RND3: variants seen among roughly 807,000 people sequenced by gnomAD.
RND3 encodes the protein Rho family GTPase 3.
A neutral mutation model predicts 26.5 loss-of-function variants in RND3; 8 were observed. That is an observed-to-expected ratio of 0.30 (90% CI 0.18 to 0.54). The LOEUF (loss-of-function observed/expected upper bound fraction) is 0.54, where lower values mean the gene tolerates loss of function less well. Among genes scored for constraint, RND3 ranks in the 20% least tolerant of loss-of-function variants. RND3 has a pLI of 0.94. For missense variants in RND3, 207 were observed against 302.8 expected (o/e 0.68, Z 2.35); for synonymous variants, 113 against 113.0 (o/e 1.00, Z 0.00).
chr2:150,486,850 C>T lies in RND3; in HGVS notation c.151-69G>A. 9.6e-7 allele frequency: 1 copy of T among 1,036,792 alleles called. No homozygotes were observed. The highest frequency in any genetic ancestry group is 1.5e-6 in the Non-Finnish European group (1 of 653,448). 64.2% of individuals were successfully genotyped at this position (1,036,792 alleles called of 1,614,324 possible). The stretch of plus-strand genomic sequence containing the variant: ...GAGGTTACGTTTAAACGCACGACAC[C>T]CATTGAACACCCTTCCCCTCCCCGC... On this transcript the variant is annotated intron_variant, in intron 2 of 5. Coordinates refer to ENST00000263895, the MANE Select transcript of RND3 (RefSeq NM_005168.5). This position sits in a 1 kb window ranked among gnomAD's most constrained non-coding sequence, Gnocchi z 4.5.
chr2:150,472,459 GT>G (rs1178108150), intron 4 of RND3, among the ~76,000 whole-genome samples: 2 of 152,146 alleles, frequency 1.3e-5, no homozygotes, highest in Admixed American at 1.3e-4. Context: ...AATTTGTCTA[GT>G]TGTTTCATGA....
At position 150,469,759 on chromosome 2, in the gene RND3, T is replaced by C. The variant is rs967813494; in HGVS notation, c.*228A>G. 37 of 514,064 alleles carry C rather than the reference T, an allele frequency of 7.2e-5. No homozygotes were observed. The highest frequency in any genetic ancestry group is 5.2e-4 in the Middle Eastern group (1 of 1,922). 31.8% of individuals were successfully genotyped at this position (514,064 alleles called of 1,614,324 possible). On this transcript the variant is annotated 3_prime_UTR_variant, in exon 6 of 6. Coordinates refer to ENST00000263895, the MANE Select transcript of RND3 (RefSeq NM_005168.5). ...CATTTGTATCTCTCATTTTTTGGCA[T>C]ATTTTTCAAGTCACACTTAAAAACT...
chr2:150,482,568 T>C (rs192780013), intron 3 of RND3, among the ~76,000 whole-genome samples: 116 of 152,268 alleles, frequency 7.6e-4, no homozygotes, highest in Admixed American at 1.3e-3. Flanking sequence ...AATGAAGAAG[T>C]TATGGGCCTT....
At chr2:150,485,018 G>T (rs1489677523) in intron 3 of RND3, among the ~76,000 whole-genome samples, 2 of 152,202 alleles carry the variant, frequency 1.3e-5, no homozygotes, top group Non-Finnish European at 2.9e-5. Flanking sequence ...AGCCCATTAA[G>T]TACCAGGCTG....
Position 150,487,373 on chromosome 2 carries a change from G to T in RND3, c.45C>A (p.Ile15=). 1 of 1,563,378 alleles carries T rather than the reference G, an allele frequency of 6.4e-7. No homozygotes were observed. Among genetic ancestry groups the T allele is most frequent in the Non-Finnish European group, 8.7e-7 (1 of 1,153,042 alleles). ...ATTTCACGTTCTGATTAGGATCCAT[G>T]ATAGATTTGCTGGATAATTTCTGGC... The part of the protein sequence containing the change: ...RASQKLSSKS[I]MDPNQNVKCK... Residue 15 remains isoleucine (I), a synonymous_variant, in exon 2 of 6, where the codon ATC becomes ATA. Transcript: ENST00000263895.
rs147422898 is a variant in RND3, at chr2:150,472,924, T to C, written c.349-1163A>G. ...TTGGGTAACGAACTCTAGTGCAAAC[T>C]ACACCAGAGGATTCAAAGGAGTAAT... On this transcript the variant is annotated intron_variant, in intron 4 of 5. Transcript: ENST00000263895. 4.9e-3 allele frequency among the ~76,000 whole-genome samples: 748 copies of C among 152,178 alleles called. 3 individuals are homozygous for C. The highest frequency in any genetic ancestry group is 6.8e-3 in the Middle Eastern group (2 of 294).
chr2:150,472,482 T>G (rs1416213901), intron 4 of RND3, among the ~76,000 whole-genome samples: 1 of 152,174 alleles, frequency 6.6e-6, no homozygotes, highest in Non-Finnish European at 1.5e-5. Flanking sequence ...CTAACAAGAA[T>G]TATTAGAACC....
intron 4 of RND3, among the ~76,000 whole-genome samples, chr2:150,474,390 C>G (rs562310963): frequency 1.2e-4 from 18 of 152,182 alleles, no homozygotes; most frequent in Non-Finnish European, 2.2e-4. Flanking sequence ...TCAGACAATT[C>G]ACATTGGACA....
chr2:150,478,182 C>G (rs1450704280), intron 3 of RND3, among the ~76,000 whole-genome samples: 1 of 151,470 alleles, frequency 6.6e-6, no homozygotes, highest in Non-Finnish European at 1.5e-5. Flanking sequence ...CTCAGCAGGA[C>G]TTTCAGGATA....
At position 150,473,008 on chromosome 2, in the gene RND3, CCCTT is replaced by C. The variant is rs200632352; in HGVS notation, c.349-1251_349-1248del. On this transcript the variant is annotated intron_variant, in intron 4 of 5. Coordinates refer to ENST00000263895, the MANE Select transcript of RND3 (RefSeq NM_005168.5). ...TTCCTCCCTTCCTCCCTCCCTCCCT[CCCTT>C]CCTTCCTTCCTTCTTTCCTTCTTTC... is the stretch of plus-strand genomic sequence containing the variant. 8.9e-3 allele frequency among the ~76,000 whole-genome samples: 1,320 copies of C among 147,950 alleles called. 12 individuals carry two copies. Among genetic ancestry groups the C allele is most frequent in the African/African-American group, 0.03 (1,201 of 40,258 alleles).
chr2:150,487,091 G>C (rs1686385434), intron 2 of RND3, 177 bp downstream of exon 2: 4 of 622,250 alleles, frequency 6.4e-6, no homozygotes, highest in Non-Finnish European at 1.1e-5. Context: ...AAAGCTTCCA[G>C]CGCACTTTCC....
At position 150,486,998 on chromosome 2, in the gene RND3, A is replaced by C; in HGVS notation, c.151-217T>G. ...GGCTCTCACAGATCTGCTGACCCGA[A>C]TCTCCCAACCCCAGGTTATGCACAC... On this transcript the variant is annotated intron_variant, in intron 2 of 5. Coordinates refer to ENST00000263895, the MANE Select transcript of RND3 (RefSeq NM_005168.5). This position sits in a 1 kb window ranked among gnomAD's most constrained non-coding sequence, Gnocchi z 4.5. The C allele has an allele frequency of 1.6e-6, 1 of 613,740 alleles. No individual in the cohort carries two copies. The highest frequency in any genetic ancestry group is 2.9e-6 in the Non-Finnish European group (1 of 344,824). 38.0% of individuals were successfully genotyped at this position (613,740 alleles called of 1,614,324 possible).
Position 150,469,790 on chromosome 2 carries a change from A to G in RND3, c.*197T>C. 3.4e-6 allele frequency: 2 copies of G among 581,230 alleles called. No homozygotes were observed. The highest frequency in any genetic ancestry group is 6.0e-6 in the Non-Finnish European group (2 of 333,458). The allele number at this position is 581,230 out of a possible 1,614,324, so 36.0% of individuals were successfully genotyped here. A position where few individuals can be genotyped will look rare whatever the true frequency, so the allele number is the denominator to read the frequency against. ...TCAAGTCACACTTAAAAACTCTTCC[A>G]TGTATTCACTTCTCATCACTTGGTC... is the stretch of plus-strand genomic sequence containing the variant. On this transcript the variant is annotated 3_prime_UTR_variant, in exon 6 of 6. Transcript: ENST00000263895.
intron 3 of RND3, among the ~76,000 whole-genome samples, chr2:150,479,069 T>C (rs1336630847): frequency 6.6e-6 from 1 of 152,154 alleles, no homozygotes; most frequent in Non-Finnish European, 1.5e-5. Context: ...AAGGCTTTGC[T>C]GGGGGTAGAT....
At chr2:150,471,463 T>A (rs1164102802) in intron 5 of RND3, among the ~76,000 whole-genome samples, 164 bp downstream of exon 5, 1 of 152,252 alleles carries the variant, frequency 6.6e-6, no homozygotes, top group Admixed American at 6.5e-5. Context: ...TGTACCCGAA[T>A]ATCATGTAAT....
At chr2:150,474,205 G>T (rs1020478731) in intron 4 of RND3, among the ~76,000 whole-genome samples, 1 of 152,116 alleles carries the variant, frequency 6.6e-6, no homozygotes, top group African/African-American at 2.4e-5. Flanking sequence ...TCTTCCTCTT[G>T]ATCTCCCCCT....
In RND3 at chr2:150,469,962, G is replaced by A; in HGVS notation, c.*25C>T. 1 of 1,609,628 alleles carries A rather than the reference G, an allele frequency of 6.2e-7. No homozygotes were observed. The highest frequency in any genetic ancestry group is 1.7e-5 in the Admixed American group (1 of 59,628). On this transcript the variant is annotated 3_prime_UTR_variant, in exon 6 of 6. Transcript: ENST00000263895. ...GTTGTTTTTTACACTAGATTCCTTT[G>A]TCTTCATTAAAGATAATGAAAGATT...
At chr2:150,477,026 G>A (rs977747031) in intron 3 of RND3, among the ~76,000 whole-genome samples, 1 of 152,150 alleles carries the variant, frequency 6.6e-6, no homozygotes, top group African/African-American at 2.4e-5. Flanking sequence ...ATCATAGAGT[G>A]GAGCTCCAAA....
At chr2:150,481,689 T>A (rs962051951) in intron 3 of RND3, among the ~76,000 whole-genome samples, 3 of 152,118 alleles carry the variant, frequency 2.0e-5, no homozygotes, top group Admixed American at 2.0e-4. Flanking sequence ...CATTTTTATG[T>A]CTTGTCTAGA....
Sources: gnomAD v4.1 joint callset for allele counts (sites outside exome capture counted in the v4.1 genomes callset) on GRCh38, gnomAD v4.1.1 for gene constraint, Gnocchi (gnomAD v3.1) non-coding constraint, MANE v1.5 for transcripts, NCBI Gene and HGNC (gene_info 2026-07-23, HGNC 2026-07-21) for gene names.